The following ZNF804B variants were observed in gnomAD, a reference collection of about 807,000 sequenced individuals.
ZNF804B encodes zinc finger protein 804B.
Under a neutral mutation model 101.4 loss-of-function variants are expected in ZNF804B, and 80 were observed. The observed-to-expected ratio is 0.79, with a 90% CI of 0.66 to 0.95. The LOEUF (loss-of-function observed/expected upper bound fraction) is 0.95, where lower values mean the gene tolerates loss of function less well. Ranked by LOEUF, ZNF804B falls within the 40% of genes least tolerant of loss-of-function variation. The probability of loss-of-function intolerance (pLI) is 0.00; values close to 1 mark genes in which losing one functional copy is unlikely to be tolerated. For synonymous variants in ZNF804B, 622 were observed against 558.8 expected (o/e 1.11, Z -1.59); for missense variants, 1,673 against 1,561.9 (o/e 1.07, Z -1.20).
chr7:88,839,887 G>A (rs1791270516), intron 1 of ZNF804B, among the ~76,000 whole-genome samples: 1 of 152,034 alleles, frequency 6.6e-6, no homozygotes, highest in African/African-American at 2.4e-5. Flanking sequence ...CATATAATAA[G>A]CATTCAACAT....
chr7:89,013,098 A>G (rs1171751828), intron 1 of ZNF804B, among the ~76,000 whole-genome samples: 1 of 152,142 alleles, frequency 6.6e-6, no homozygotes, highest in African/African-American at 2.4e-5. Flanking sequence ...CGCCCCCAAG[A>G]TCCAATTACC....
chr7:89,258,107 AT>A (rs1390018278), intron 2 of ZNF804B, among the ~76,000 whole-genome samples: 1 of 152,002 alleles, frequency 6.6e-6, no homozygotes, highest in Admixed American at 6.6e-5. Flanking sequence ...AACAATAAAA[AT>A]AATATAAATA....
At chr7:88,990,794 G>A (rs1291796561) in intron 1 of ZNF804B, among the ~76,000 whole-genome samples, 1 of 152,030 alleles carries the variant, frequency 6.6e-6, no homozygotes, top group Non-Finnish European at 1.5e-5. Context: ...TACTCATCTT[G>A]ATATCCATCC....
At chr7:88,989,811 A>G (rs1793818490) in intron 1 of ZNF804B, among the ~76,000 whole-genome samples, 1 of 152,082 alleles carries the variant, frequency 6.6e-6, no homozygotes, top group South Asian at 2.1e-4. Flanking sequence ...ATGAATCACT[A>G]CGAAATCTAA....
intron 1 of ZNF804B, among the ~76,000 whole-genome samples, chr7:89,087,752 T>C (rs936851390): frequency 6.6e-5 from 10 of 151,932 alleles, no homozygotes; most frequent in Admixed American, 5.9e-4. Context: ...GTAATTCTAC[T>C]TTCTACTTTC....
intron 1 of ZNF804B, among the ~76,000 whole-genome samples, chr7:89,059,632 A>G (rs903290899): frequency 6.6e-6 from 1 of 152,182 alleles, no homozygotes; most frequent in Non-Finnish European, 1.5e-5. Flanking sequence ...GAAGGGGCAC[A>G]CATCCAGACC....
At chr7:89,107,838 G>C (rs185021840) in intron 1 of ZNF804B, among the ~76,000 whole-genome samples, 1 of 152,130 alleles carries the variant, frequency 6.6e-6, no homozygotes, top group East Asian at 1.9e-4. Context: ...TTACTAAGCG[G>C]CATGGGGGGT....
chr7:89,322,071 G>C (rs1790829743), intron 2 of ZNF804B, among the ~76,000 whole-genome samples: 1 of 152,118 alleles, frequency 6.6e-6, no homozygotes. Context: ...AGTAAAGATT[G>C]ATGGAAACAA....
At chr7:88,776,560 G>GTTTTTTTTTTTTT (rs57733765) in intron 1 of ZNF804B, among the ~76,000 whole-genome samples, 4 of 75,108 alleles carry the variant, frequency 5.3e-5, no homozygotes, top group East Asian at 5.1e-4. Flanking sequence ...GTGGTGTTTT[G>GTTTTTTTTTTTTT]TTTTTTTTTT....
At chr7:88,969,281 TAA>T (rs1793498819) in intron 1 of ZNF804B, among the ~76,000 whole-genome samples, 1 of 151,632 alleles carries the variant, frequency 6.6e-6, no homozygotes, top group Non-Finnish European at 1.5e-5. Flanking sequence ...GCATAGCTTT[TAA>T]AAGTGAATGA....
chr7:89,195,053 G>A (rs1182576214), intron 1 of ZNF804B, among the ~76,000 whole-genome samples: 6 of 151,548 alleles, frequency 4.0e-5, no homozygotes, highest in Non-Finnish European at 8.8e-5. Context: ...ATCAATAAAT[G>A]TAATCCAGCA....
intron 1 of ZNF804B, among the ~76,000 whole-genome samples, chr7:88,979,653 C>T (rs1171779682): frequency 1.4e-5 from 2 of 143,046 alleles, no homozygotes; most frequent in Admixed American, 7.0e-5. Context: ...TATTCTTGAA[C>T]TTTGAGAGTT....
intron 1 of ZNF804B, among the ~76,000 whole-genome samples, chr7:89,176,587 CTTTCTT>C (rs1231762863): frequency 3.7e-5 from 2 of 53,994 alleles, no homozygotes; most frequent in African/African-American, 7.7e-5. Context: ...TTCTTTCTTT[CTTTCTT>C]TTTTTTTTTT....
chr7:88,987,912 C>T (rs1793787435), intron 1 of ZNF804B, among the ~76,000 whole-genome samples: 1 of 151,964 alleles, frequency 6.6e-6, no homozygotes, highest in South Asian at 2.1e-4. Flanking sequence ...CCTCCTCCTC[C>T]CTTTTCTTCC....
At chr7:89,156,807 C>T (rs1308813460) in intron 1 of ZNF804B, among the ~76,000 whole-genome samples, 1 of 152,104 alleles carries the variant, frequency 6.6e-6, no homozygotes, top group Non-Finnish European at 1.5e-5. Flanking sequence ...ATTGTGAATG[C>T]TGGCGCCTAG....
At chr7:88,824,295 AG>A (rs1791025488) in intron 1 of ZNF804B, among the ~76,000 whole-genome samples, 1 of 152,098 alleles carries the variant, frequency 6.6e-6, no homozygotes, top group Non-Finnish European at 1.5e-5. Context: ...GGGGGCGGTT[AG>A]CCTCATGCTG....
chr7:89,059,570 C>T (rs1184542014), intron 1 of ZNF804B, among the ~76,000 whole-genome samples: 2 of 152,136 alleles, frequency 1.3e-5, no homozygotes, highest in Admixed American at 1.3e-4. Context: ...TCCAGTACCT[C>T]CCACCAGGCC....
intron 1 of ZNF804B, among the ~76,000 whole-genome samples, chr7:88,801,396 A>G (rs1231425047): frequency 2.0e-5 from 3 of 152,046 alleles, no homozygotes; most frequent in Non-Finnish European, 4.4e-5. Flanking sequence ...ATAGAGAATC[A>G]TGAGAATTTC....
At chr7:88,868,168 G>A (rs1029512553) in intron 1 of ZNF804B, among the ~76,000 whole-genome samples, 6 of 151,568 alleles carry the variant, frequency 4.0e-5, no homozygotes, top group African/African-American at 1.5e-4. Context: ...CAATGTCGAA[G>A]GTAGTACATA....
Sources: allele counts gnomAD v4.1 joint callset (sites outside exome capture counted in the v4.1 genomes callset), GRCh38; gene constraint gnomAD v4.1.1; transcripts MANE v1.5; gene names NCBI Gene and HGNC (gene_info 2026-07-23, HGNC 2026-07-21).